Variants in CD82 observed in about 807,000 individuals in gnomAD.
The protein encoded by CD82 is CD82 antigen.
CD82 carries 36 observed loss-of-function variants against 37.4 expected under a neutral mutation model. The observed-to-expected ratio is 0.96, with a 90% CI of 0.74 to 1.27. CD82 has a LOEUF of 1.27. CD82 is among the 50% of genes most tolerant of loss of function. The pLI, the probability that CD82 is intolerant of heterozygous loss-of-function variation, is 0.00. For missense variants in CD82, 340 were observed against 347.0 expected, an observed-to-expected ratio of 0.98 and a Z score of 0.16; for synonymous variants, 158 against 137.4, an observed-to-expected ratio of 1.15 and a Z score of -1.05.
chr11:44,592,254 G>C (rs1437997143), intron 2 of CD82, among the ~76,000 whole-genome samples: 1 of 152,218 alleles, frequency 6.6e-6, no homozygotes, highest in Non-Finnish European at 1.5e-5. Context: ...ATCTGACTCA[G>C]GGTTGCCAAA....
At chr11:44,590,609 T>C (rs1590335997) in intron 2 of CD82, among the ~76,000 whole-genome samples, 2 of 816 alleles carry the variant, frequency 2.5e-3, no homozygotes, top group Admixed American at 0.013. Context: ...AGATTCTGTC[T>C]CAAAAAAAAA....
intron 1 of CD82, among the ~76,000 whole-genome samples, chr11:44,585,652 C>T (rs531095041): frequency 6.6e-6 from 1 of 152,286 alleles, no homozygotes; most frequent in East Asian, 1.9e-4. Context: ...CCGGCAGAGC[C>T]AGGGGTGGGA....
chr11:44,605,980 C>G (rs989769802), intron 6 of CD82, among the ~76,000 whole-genome samples: 1 of 152,212 alleles, frequency 6.6e-6, no homozygotes, highest in African/African-American at 2.4e-5. Flanking sequence ...AGACTTACAG[C>G]GGCTTAAAGT....
rs1219807749 is a variant in CD82 at position 44,620,147 on chromosome 11, C to T, written c.*1021C>T. ...TGGCACAGAGCTGGTCCTGTATTCT[C>T]CAGGGTCCGGAGCTGGCCAGGGGCG... On this transcript the variant is annotated 3_prime_UTR_variant, in exon 10 of 10. Transcript: ENST00000227155. The T allele has an allele frequency of 1.3e-5, 2 of 152,238 alleles. No individual in the cohort carries two copies. Among genetic ancestry groups the T allele is most frequent in the Non-Finnish European group, 2.9e-5 (2 of 68,216 alleles). 9.4% of individuals were successfully genotyped at this position (152,238 alleles called of 1,614,324 possible). A position where few individuals can be genotyped will look rare whatever the true frequency, so the allele number is the denominator to read the frequency against.
intron 1 of CD82, among the ~76,000 whole-genome samples, chr11:44,567,181 A>T (rs1852748015): frequency 6.6e-6 from 1 of 152,090 alleles, no homozygotes; most frequent in South Asian, 2.1e-4. Flanking sequence ...CAGCTATACC[A>T]TTGCACACTT....
chr11:44,593,023 AC>A, intron 2 of CD82, among the ~76,000 whole-genome samples: 1 of 152,326 alleles, frequency 6.6e-6, no homozygotes, highest in South Asian at 2.1e-4. Flanking sequence ...ACTTCCTGTA[AC>A]AAAGCTGTTA....
intron 2 of CD82, among the ~76,000 whole-genome samples, chr11:44,592,305 T>C (rs1215450148): frequency 6.6e-6 from 1 of 152,234 alleles, no homozygotes; most frequent in Non-Finnish European, 1.5e-5. Context: ...AGGATGCCAA[T>C]GGCCCCATTG....
chr11:44,578,222 C>T (rs1220123423), intron 1 of CD82, among the ~76,000 whole-genome samples: 10 of 152,298 alleles, frequency 6.6e-5, no homozygotes, highest in African/African-American at 2.4e-4. Flanking sequence ...CACCCAGAGG[C>T]TCTCCAGGCC....
intron 7 of CD82, 48 bp downstream of exon 7, chr11:44,615,421 G>T (rs1427884657): frequency 1.8e-6 from 2 of 1,138,132 alleles, no homozygotes; most frequent in Admixed American, 1.7e-5. Flanking sequence ...GGGTGTCCCT[G>T]CATTTGGGGC....
At chr11:44,591,493 T>C (rs1466325650) in intron 2 of CD82, among the ~76,000 whole-genome samples, 1 of 152,176 alleles carries the variant, frequency 6.6e-6, no homozygotes, top group Non-Finnish European at 1.5e-5. Flanking sequence ...GCAGAGCTCC[T>C]CTGAGCAGTC....
rs771739391 is a variant in CD82, at chr11:44,618,312, G to C, written c.589G>C (p.Gly197Arg). The C allele has an allele frequency of 6.2e-7, 1 of 1,613,692 alleles. No individual in the cohort carries two copies. Among genetic ancestry groups the C allele is most frequent in the South Asian group, 1.1e-5 (1 of 91,084 alleles). Residue 197 changes from glycine to arginine, a missense_variant, in exon 8 of 10, where the codon GGC becomes CGC. Gly to Arg is a moderately radical substitution (Grantham distance 125, BLOSUM62 -2). Transcript: ENST00000227155. ...SVRKGFCEAP[G>R]NRTQSGNHPE... Reference sequence around the variant, plus strand: ...GAGGAAGGGCTTCTGCGAGGCCCCCGGCAACAGGACCCAGAGTGGCAACCA... The same window carrying C: ...GAGGAAGGGCTTCTGCGAGGCCCCCCGCAACAGGACCCAGAGTGGCAACCA...
chr11:44,611,510 G>A (rs11820032), intron 6 of CD82, among the ~76,000 whole-genome samples: 27,970 of 152,144 alleles, frequency 0.18, 2,848 homozygotes, highest in African/African-American at 0.28. Flanking sequence ...CAGGTCTTTT[G>A]CCTGCTTCTG....
chr11:44,599,397 G>GC (rs1331000384), intron 3 of CD82, among the ~76,000 whole-genome samples: 14 of 152,230 alleles, frequency 9.2e-5, no homozygotes, highest in Non-Finnish European at 1.9e-4. Context: ...TCCTGCCTGG[G>GC]CCTCACAAAG....
At chr11:44,604,998 G>A in intron 4 of CD82, 60 bp from the exon 5 acceptor site, 2 of 1,611,452 alleles carry the variant, frequency 1.2e-6, no homozygotes, top group Non-Finnish European at 1.7e-6. Context: ...GACCTGGACG[G>A]TTAGGCCAGG....
chr11:44,609,166 C>T (rs1344625932), intron 6 of CD82, among the ~76,000 whole-genome samples: 1 of 152,128 alleles, frequency 6.6e-6, no homozygotes, highest in East Asian at 1.9e-4. Context: ...GATTCAGGGG[C>T]CCTGTGTTTT....
At chr11:44,566,335 G>T (rs946061967) in intron 1 of CD82, 1 of 152,316 alleles carries the variant, frequency 6.6e-6, no homozygotes, top group African/African-American at 2.4e-5. Flanking sequence ...TTCCAGGTGA[G>T]CTGGCCTGAG....
In CD82 at chr11:44,586,181, C is replaced by T. The variant is rs1232720906; in HGVS notation, c.-102-1294C>T. On this transcript the variant is annotated intron_variant, in intron 1 of 9. Transcript: ENST00000227155. ...CAGGCTGCACCCCAGAACAACTCAT[C>T]AGGGTCTCTGGCAGTGGGGGCCGGG... is the stretch of plus-strand genomic sequence containing the variant. Among the ~76,000 whole-genome samples, 3 of 152,194 alleles carry T rather than the reference C, an allele frequency of 2.0e-5. No homozygotes were observed. The South Asian group carries it at 6.2e-4, about 31-fold the overall frequency.
In CD82 at chr11:44,573,556, C is replaced by T. The variant is rs533956634; in HGVS notation, c.-103+7820C>T. Reference sequence around the variant, plus strand: ...AGTAACTGAGGCAGGGAGGATGTGTCCTCTACTCTGAACTAGTCACTTATT... The same window carrying T: ...AGTAACTGAGGCAGGGAGGATGTGTTCTCTACTCTGAACTAGTCACTTATT... On this transcript the variant is annotated intron_variant, in intron 1 of 9. Transcript: ENST00000227155. 2.5e-3 allele frequency among the ~76,000 whole-genome samples: 382 copies of T among 152,336 alleles called. 3 individuals carry two copies. Among genetic ancestry groups the T allele is most frequent in the African/African-American group, 8.9e-3 (368 of 41,570 alleles).
rs1384058987 is a variant in CD82, at chr11:44,620,219, C to T, written c.*1093C>T. 1 of 143,846 alleles carries T rather than the reference C, an allele frequency of 7.0e-6. No individual in the cohort carries two copies. The highest frequency in any genetic ancestry group is 1.5e-5 in the Non-Finnish European group (1 of 66,516). 8.9% of individuals were successfully genotyped at this position (143,846 alleles called of 1,614,324 possible). On this transcript the variant is annotated 3_prime_UTR_variant, in exon 10 of 10. Transcript: ENST00000227155. ...CCTGGGAGAAGGTGGGCTGGCCTTT[C>T]TTGGCAAGCGGTCCTCTGGCCCCTG...
Sources: gnomAD v4.1 joint callset for allele counts (sites outside exome capture counted in the v4.1 genomes callset) on GRCh38, gnomAD v4.1.1 for gene constraint, MANE v1.5 for transcripts, NCBI Gene and HGNC (gene_info 2026-07-23, HGNC 2026-07-21) for gene names.